The following GOSR1 variants were observed in gnomAD, a reference collection of about 807,000 sequenced individuals.
The protein encoded by GOSR1 is 28 kDa Golgi SNARE protein.
GOSR1 carries 21 observed loss-of-function variants against 35.5 expected under a neutral mutation model. That is an observed-to-expected ratio of 0.59 (90% CI 0.42 to 0.85). The LOEUF (loss-of-function observed/expected upper bound fraction) is 0.85, where lower values mean the gene tolerates loss of function less well. GOSR1 is among the 40% of genes least tolerant of loss of function. The probability of loss-of-function intolerance (pLI) is 0.00; values close to 1 mark genes in which losing one functional copy is unlikely to be tolerated. For missense variants in GOSR1, 285 were observed against 309.6 expected (o/e 0.92, Z 0.60); for synonymous variants, 94 against 106.6 (o/e 0.88, Z 0.73).
intron 6 of GOSR1, among the ~76,000 whole-genome samples, chr17:30,497,699 C>T (rs751958413): frequency 1.8e-4 from 27 of 152,180 alleles, no homozygotes; most frequent in South Asian, 4.1e-4. Context: ...CTGTGGAACC[C>T]GTCAATGCCA....
In GOSR1 at chr17:30,496,318, A is replaced by G. The variant is rs536907618; in HGVS notation, c.509+3565A>G. Among the ~76,000 whole-genome samples, 4 of 152,078 alleles carry G rather than the reference A, an allele frequency of 2.6e-5. No individual in the cohort carries two copies. The East Asian group carries it at 7.7e-4, about 29-fold the overall frequency. Reference sequence around the variant, plus strand: ...CATTGACTTCTTCCCTCACAACACTACTGAACTTGCTGTCAATAGGCACAT... The same window carrying G: ...CATTGACTTCTTCCCTCACAACACTGCTGAACTTGCTGTCAATAGGCACAT... On this transcript the variant is annotated intron_variant, in intron 6 of 8. Transcript: ENST00000451249.
intron 7 of GOSR1, among the ~76,000 whole-genome samples, chr17:30,516,306 T>G (rs1475933120): frequency 3.3e-5 from 5 of 151,806 alleles, no homozygotes; most frequent in African/African-American, 9.7e-5. Context: ...CCGTCTCTAC[T>G]AAAAATACAA....
chr17:30,477,902 A>T, intron 1 of GOSR1: 3 of 985,030 alleles, frequency 3.0e-6, no homozygotes, highest in Non-Finnish European at 3.6e-6. Flanking sequence ...GTGGGAAAAG[A>T]GAAGGAGGAA....
At chr17:30,519,863 T>G in intron 7 of GOSR1, 76 bp from the exon 8 acceptor site, 1 of 878,042 alleles carries the variant, frequency 1.1e-6, no homozygotes, top group Non-Finnish European at 1.9e-6. Flanking sequence ...GTAGTTTTCT[T>G]TCACTTTTAA....
rs761635585 is a variant in GOSR1, at chr17:30,522,496, C to T, written c.*118C>T. The T allele has an allele frequency of 4.2e-6, 3 of 717,862 alleles. No individual in the cohort carries two copies. In the East Asian group the frequency reaches 8.7e-5, roughly 21 times the overall value. The allele number at this position is 717,862 out of a possible 1,614,324, so 44.5% of individuals were successfully genotyped here. ...ATTAGCCTGACCAGCAGGATGAATGCAAGACTGACAGTGATGGACTCTGTG... is the reference window on the plus strand; with the variant it reads ...ATTAGCCTGACCAGCAGGATGAATGTAAGACTGACAGTGATGGACTCTGTG... On this transcript the variant is annotated 3_prime_UTR_variant, in exon 9 of 9. Coordinates refer to ENST00000451249, the MANE Select transcript of GOSR1 (RefSeq NM_001007025.2).
In GOSR1 at chr17:30,524,635, C is replaced by T. The variant is rs1229074820; in HGVS notation, c.*2257C>T. 1 of 152,128 alleles carries T rather than the reference C, an allele frequency of 6.6e-6. No individual in the cohort carries two copies. Among genetic ancestry groups the T allele is most frequent in the African/African-American group, 2.4e-5 (1 of 41,400 alleles). 9.4% of individuals were successfully genotyped at this position (152,128 alleles called of 1,614,324 possible). On this transcript the variant is annotated 3_prime_UTR_variant, in exon 9 of 9. Transcript: ENST00000451249. Reference sequence around the variant, plus strand: ...AAAGAAACGAATCACCAGTGTCTGTCAGTGCCCCCACTGCTCCTCCTCATA... The same window carrying T: ...AAAGAAACGAATCACCAGTGTCTGTTAGTGCCCCCACTGCTCCTCCTCATA...
In GOSR1 at chr17:30,525,854, C is replaced by G. The variant is rs933782988; in HGVS notation, c.*3476C>G. On this transcript the variant is annotated 3_prime_UTR_variant, in exon 9 of 9. Coordinates refer to ENST00000451249, the MANE Select transcript of GOSR1 (RefSeq NM_001007025.2). ...CAGTTCTTCCAAGGAAGTTAAAAGGCTTGGTATGGATGTTGGTGTCAGATA... is the reference window on the plus strand; with the variant it reads ...CAGTTCTTCCAAGGAAGTTAAAAGGGTTGGTATGGATGTTGGTGTCAGATA... 1.3e-5 allele frequency: 2 copies of G among 152,122 alleles called. No individual in the cohort carries two copies. The highest frequency in any genetic ancestry group is 2.9e-5 in the Non-Finnish European group (2 of 68,030). 9.4% of individuals were successfully genotyped at this position (152,122 alleles called of 1,614,324 possible).
chr17:30,506,277 C>T (rs1967399585), intron 6 of GOSR1, among the ~76,000 whole-genome samples: 1 of 152,128 alleles, frequency 6.6e-6, no homozygotes, highest in African/African-American at 2.4e-5. Flanking sequence ...CTCTTGTGCC[C>T]GTTAGCCAAG....
intron 7 of GOSR1, among the ~76,000 whole-genome samples, chr17:30,519,386 C>T (rs1967941981): frequency 6.6e-6 from 1 of 152,126 alleles, no homozygotes; most frequent in South Asian, 2.1e-4. Context: ...AGTCTGTGAC[C>T]TTTGTCAGCC....
intron 6 of GOSR1, among the ~76,000 whole-genome samples, chr17:30,505,245 TAGAG>T (rs1459917649): frequency 3.3e-5 from 5 of 152,084 alleles, no homozygotes; most frequent in Admixed American, 1.3e-4. Flanking sequence ...TAAGAAATAA[TAGAG>T]AGAGGCCGGG....
At chr17:30,501,392 A>G (rs1967198876) in intron 6 of GOSR1, among the ~76,000 whole-genome samples, 1 of 152,226 alleles carries the variant, frequency 6.6e-6, no homozygotes. Flanking sequence ...CAACATTAGA[A>G]GGAACACTGA....
chr17:30,513,345 G>A lies in GOSR1; in HGVS notation c.539+2436G>A, dbSNP rs535149427. Among the ~76,000 whole-genome samples the A allele has an allele frequency of 3.9e-5, 6 of 152,242 alleles. No individual in the cohort carries two copies. In the South Asian group the frequency reaches 1.2e-3, roughly 32 times the overall value. ...GGTAAGAAAGTTGAAGTTCCTGTAA[G>A]CATATCAATGATTTATCATTTTAAA... On this transcript the variant is annotated intron_variant, in intron 7 of 8. Transcript: ENST00000451249.
At chr17:30,518,652 A>G (rs1024452656) in intron 7 of GOSR1, among the ~76,000 whole-genome samples, 1 of 152,134 alleles carries the variant, frequency 6.6e-6, no homozygotes, top group African/African-American at 2.4e-5. Flanking sequence ...CTTAGGGCCA[A>G]GCTTGGTGGC....
chr17:30,513,303 T>C (rs1310756308), intron 7 of GOSR1, among the ~76,000 whole-genome samples: 6 of 152,348 alleles, frequency 3.9e-5, no homozygotes, highest in South Asian at 2.1e-4. Context: ...TGAGTTCAGT[T>C]CACAGAGCAG....
chr17:30,477,955 G>A, intron 1 of GOSR1: 1 of 984,456 alleles, frequency 1.0e-6, no homozygotes, highest in Non-Finnish European at 1.2e-6. Context: ...GAGAATAGGA[G>A]ACAGAATGTC....
intron 1 of GOSR1, chr17:30,477,967 CTT>C (rs1355063614): frequency 1.0e-6 from 1 of 981,458 alleles, no homozygotes; most frequent in Non-Finnish European, 1.2e-6. Context: ...CAGAATGTCT[CTT>C]ATTGGGTCTC....
chr17:30,480,442 CT>C (rs1914260805), intron 1 of GOSR1, among the ~76,000 whole-genome samples: 1 of 152,042 alleles, frequency 6.6e-6, no homozygotes, highest in African/African-American at 2.4e-5. Flanking sequence ...ATAACATTAA[CT>C]GGTAAGTTGA....
chr17:30,492,992 A>ATT (rs780089715), intron 6 of GOSR1, among the ~76,000 whole-genome samples: 4 of 140,964 alleles, frequency 2.8e-5, no homozygotes, highest in Non-Finnish European at 3.1e-5. Context: ...TATGGTTGTT[A>ATT]TTTTTTTTTT....
At chr17:30,510,116 G>T (rs1221050350) in intron 6 of GOSR1, among the ~76,000 whole-genome samples, 1 of 152,122 alleles carries the variant, frequency 6.6e-6, no homozygotes, top group Admixed American at 6.5e-5. Flanking sequence ...TATGGCCCAG[G>T]CTGGAGTGCA....
Sources: gnomAD v4.1 joint callset for allele counts (sites outside exome capture counted in the v4.1 genomes callset) on GRCh38, gnomAD v4.1.1 for gene constraint, MANE v1.5 for transcripts, NCBI Gene and HGNC (gene_info 2026-07-23, HGNC 2026-07-21) for gene names.